DMD: variants seen among roughly 807,000 people sequenced by gnomAD.
DMD encodes dystrophin.
Under a neutral mutation model 330.1 loss-of-function variants are expected in DMD, and 63 were observed. The ratio of observed to expected loss-of-function variants is 0.19; its 90% CI spans 0.16 to 0.24. The LOEUF (loss-of-function observed/expected upper bound fraction) is 0.24, where lower values mean the gene tolerates loss of function less well. DMD is among the 10% of genes least tolerant of loss of function. The pLI is 1.00. For missense variants in DMD, 3,344 were observed against 2,684.1 expected, an observed-to-expected ratio of 1.25 and a Z score of -5.43; for synonymous variants, 1,223 against 959.8, an observed-to-expected ratio of 1.27 and a Z score of -5.07.
intron 7 of DMD, among the ~76,000 whole-genome samples, chrX:32,717,443 C>T (rs1006220963): frequency 1.8e-5 from 2 of 111,672 alleles, no homozygotes; most frequent in African/African-American, 6.5e-5. Context: ...TGCAAGTGTG[C>T]AGAGTGTGAG....
chrX:32,505,775 G>C (rs1428993837), intron 18 of DMD, among the ~76,000 whole-genome samples: 3 of 111,858 alleles, frequency 2.7e-5, no homozygotes, highest in Non-Finnish European at 3.8e-5. Context: ...TAGATGAATG[G>C]ATAAATAAAC....
At chrX:33,213,020 C>T (rs1036166061), upstream of DMD, among the ~76,000 whole-genome samples, 2 of 110,951 alleles carry the variant, frequency 1.8e-5, no homozygotes, top group Admixed American at 9.7e-5. Context: ...TAGGCCAAGG[C>T]GTGAATACAA....
intron 2 of DMD, among the ~76,000 whole-genome samples, chrX:33,015,431 A>C (rs753520058): frequency 9.0e-6 from 1 of 111,327 alleles, no homozygotes; most frequent in Admixed American, 9.6e-5. Context: ...CAAGTACTGC[A>C]TGTTCTCACT....
At chrX:32,393,799 T>C (rs1490772486) in intron 30 of DMD, among the ~76,000 whole-genome samples, 1 of 109,241 alleles carries the variant, frequency 9.2e-6, no homozygotes, top group Non-Finnish European at 1.9e-5. Context: ...AGAGAGAAAA[T>C]CTCACATCAA....
intron 1 of DMD, among the ~76,000 whole-genome samples, chrX:33,292,617 C>A (rs1002907329): frequency 9.1e-6 from 1 of 109,662 alleles, no homozygotes; most frequent in Admixed American, 9.8e-5. Context: ...ATTTTGGATT[C>A]TGGAGACAGT....
intron 33 of DMD, among the ~76,000 whole-genome samples, chrX:32,381,411 C>A (rs1303802789): frequency 1.8e-5 from 2 of 111,636 alleles, no homozygotes; most frequent in Non-Finnish European, 3.8e-5. Flanking sequence ...AAGAAATGAA[C>A]AAATCTGTAT....
At chrX:31,807,725 G>A (rs1037214372) in intron 50 of DMD, among the ~76,000 whole-genome samples, 1 of 111,871 alleles carries the variant, frequency 8.9e-6, no homozygotes, top group African/African-American at 3.2e-5. Context: ...AAGGGGAAGA[G>A]AGAGTATTGT....
chrX:32,111,271 C>T (rs764376833), intron 44 of DMD, among the ~76,000 whole-genome samples: 4 of 112,005 alleles, frequency 3.6e-5, no homozygotes, highest in East Asian at 5.6e-4. Flanking sequence ...CAGAAACACA[C>T]GTTCCATTCT....
At chrX:32,430,602 G>C (rs1414175386) in intron 29 of DMD, among the ~76,000 whole-genome samples, 1 of 111,620 alleles carries the variant, frequency 9.0e-6, no homozygotes. Context: ...TCTTAGCAAA[G>C]TTTAAGTAAA....
chrX:31,733,259 A>T (rs182523275), intron 51 of DMD, among the ~76,000 whole-genome samples: 1 of 111,765 alleles, frequency 8.9e-6, no homozygotes, highest in African/African-American at 3.2e-5. Flanking sequence ...GAAATCATAC[A>T]TATTATAACT....
chrX:32,677,386 C>G (rs1242924895), intron 9 of DMD, among the ~76,000 whole-genome samples: 1 of 111,186 alleles, frequency 9.0e-6, no homozygotes, highest in African/African-American at 3.3e-5. Context: ...GTGCATATTT[C>G]CACTGAACAC....
intron 9 of DMD, among the ~76,000 whole-genome samples, chrX:32,659,487 A>C (rs1258787203): frequency 9.0e-6 from 1 of 110,795 alleles, no homozygotes; most frequent in East Asian, 2.8e-4. Context: ...CTAGTGAGCT[A>C]ATTAGGAAGA....
intron 1 of DMD, among the ~76,000 whole-genome samples, chrX:33,067,447 G>A (rs2094681982): frequency 8.9e-6 from 1 of 112,714 alleles, no homozygotes; most frequent in Non-Finnish European, 1.9e-5. Context: ...GATTTTCTTA[G>A]AATATGGCTA....
At chrX:32,940,923 C>T (rs1418894737) in intron 2 of DMD, among the ~76,000 whole-genome samples, 2 of 111,377 alleles carry the variant, frequency 1.8e-5, no homozygotes, top group Non-Finnish European at 3.8e-5. Flanking sequence ...GGTTCAATAT[C>T]TAGAATTTAC....
At chrX:31,376,727 A>AGTG (rs1722170768) in intron 60 of DMD, among the ~76,000 whole-genome samples, 1 of 112,362 alleles carries the variant, frequency 8.9e-6, no homozygotes, top group Non-Finnish European at 1.9e-5. Context: ...TAAAAGGGGT[A>AGTG]GTGCCAAGGC....
intron 2 of DMD, among the ~76,000 whole-genome samples, chrX:32,983,283 T>C (rs1187308325): frequency 2.7e-5 from 3 of 111,660 alleles, no homozygotes; most frequent in African/African-American, 9.7e-5. Flanking sequence ...TCCAAATTCA[T>C]CAAATTCATC....
rs1187179874 is a variant in DMD at position 32,364,606 on chromosome X, G to C, written c.5130C>G (p.Pro1710=). 1 of 1,210,509 alleles carries C rather than the reference G, an allele frequency of 8.3e-7. No individual in the cohort carries two copies. ...CCTTAAGCACGTCTTCTTTTTGCTG[G>C]GGTTTCTTTTTCTCTGATTCATCCA... is the stretch of plus-strand genomic sequence containing the variant. ...TLLDESEKKK[P]QQKEDVLKRL... Residue 1710 remains proline (P), a synonymous_variant, in exon 36 of 79, where the codon CCC becomes CCG. Transcript: ENST00000357033.
chrX:33,129,382 T>C (rs1254228389), intron 1 of DMD, among the ~76,000 whole-genome samples: 3 of 84,836 alleles, frequency 3.5e-5, no homozygotes, highest in Non-Finnish European at 6.5e-5. Flanking sequence ...CGGCAAACAG[T>C]ATGTGCTCAA....
At chrX:32,364,405 C>T (rs751679458) in intron 36 of DMD, among the ~76,000 whole-genome samples, 177 bp downstream of exon 36, 1 of 111,670 alleles carries the variant, frequency 9.0e-6, no homozygotes, top group East Asian at 2.8e-4. Flanking sequence ...GATTACAGAA[C>T]TCTTCAAAAT....
Sources: allele counts gnomAD v4.1 joint callset (sites outside exome capture counted in the v4.1 genomes callset), GRCh38; gene constraint gnomAD v4.1.1; transcripts MANE v1.5; gene names NCBI Gene and HGNC (gene_info 2026-07-23, HGNC 2026-07-21).